UPK3A: variants seen among roughly 807,000 people sequenced by gnomAD.
UPK3A encodes the protein uroplakin 3A, also known as uroplakin-3a.
Under a neutral mutation model 27.6 loss-of-function variants are expected in UPK3A, and 32 were observed. The ratio of observed to expected loss-of-function variants is 1.16; its 90% CI spans 0.87 to 1.55. The LOEUF (loss-of-function observed/expected upper bound fraction) is 1.55, where lower values mean the gene tolerates loss of function less well. UPK3A is among the 40% of genes most tolerant of loss of function. UPK3A has a pLI of 0.00. For synonymous variants in UPK3A, 171 were observed against 163.9 expected, an observed-to-expected ratio of 1.04 and a Z score of -0.33; for missense variants, 370 against 367.9, an observed-to-expected ratio of 1.01 and a Z score of -0.05.
At position 45,292,272 on chromosome 22, in the gene UPK3A, T is replaced by C. The variant is rs888614411; in HGVS notation, c.572-909T>C. On this transcript the variant is annotated intron_variant, in intron 4 of 5. Coordinates refer to ENST00000216211, the MANE Select transcript of UPK3A (RefSeq NM_006953.4). ...TTGGGGGAGGACCGTGGGGCCCATC[T>C]GGGGGACAGCATGCACCTCAGGACC... Among the ~76,000 whole-genome samples, 4 of 152,142 alleles carry C rather than the reference T, an allele frequency of 2.6e-5. No homozygotes were observed. In the East Asian group the frequency reaches 7.7e-4, roughly 29 times the overall value.
intron 5 of UPK3A, 43 bp from the exon 6 acceptor site, chr22:45,295,517 G>T (rs556351642): frequency 2.3e-5 from 37 of 1,613,376 alleles, no homozygotes; most frequent in Middle Eastern, 1.7e-4. Context: ...ATTTGGGTTT[G>T]CTCTGGTCCC....
intron 3 of UPK3A, 94 bp downstream of exon 3, chr22:45,287,545 G>A: frequency 6.7e-7 from 1 of 1,482,110 alleles, no homozygotes; most frequent in Non-Finnish European, 9.1e-7. Flanking sequence ...CACACTTCTT[G>A]AGAACTTATA....
At chr22:45,290,217 C>T (rs2084150731) in intron 4 of UPK3A, among the ~76,000 whole-genome samples, 1 of 152,144 alleles carries the variant, frequency 6.6e-6, no homozygotes, top group African/African-American at 2.4e-5. Context: ...ACGCCAGGGT[C>T]TTTGATGGTA....
At chr22:45,285,734 G>A (rs1200714603) in intron 1 of UPK3A, among the ~76,000 whole-genome samples, 2 of 152,196 alleles carry the variant, frequency 1.3e-5, no homozygotes, top group Non-Finnish European at 2.9e-5. Flanking sequence ...GTCTGCAGCA[G>A]GGAGAGAAGG....
chr22:45,285,834 G>A, intron 1 of UPK3A, 107 bp from the exon 2 acceptor site: 1 of 1,504,566 alleles, frequency 6.6e-7, no homozygotes. Context: ...CCCAGGGGGA[G>A]GGTGAAGCCC....
chr22:45,288,904 G>A (rs1466285024), intron 3 of UPK3A, among the ~76,000 whole-genome samples, 157 bp from the exon 4 acceptor site: 1 of 151,968 alleles, frequency 6.6e-6, no homozygotes, highest in Non-Finnish European at 1.5e-5. Context: ...CTGTCCTGTT[G>A]CCCAGAGCCC....
At chr22:45,294,605 G>C (rs1468971222) in intron 5 of UPK3A, among the ~76,000 whole-genome samples, 2 of 152,112 alleles carry the variant, frequency 1.3e-5, no homozygotes, top group Non-Finnish European at 2.9e-5. Context: ...CAGCCTCCCA[G>C]AAACTCTGCC....
At chr22:45,290,409 C>T (rs2084152153) in intron 4 of UPK3A, among the ~76,000 whole-genome samples, 1 of 152,130 alleles carries the variant, frequency 6.6e-6, no homozygotes, top group Non-Finnish European at 1.5e-5. Context: ...AAGTCACACG[C>T]GAGTGGGTGG....
chr22:45,289,194 G>A (rs568545237), intron 4 of UPK3A, 51 bp downstream of exon 4: 74 of 1,591,830 alleles, frequency 4.6e-5, no homozygotes, highest in Middle Eastern at 1.7e-4. Flanking sequence ...CCGAGAAGGC[G>A]GGGCCAGCCA....
intron 4 of UPK3A, among the ~76,000 whole-genome samples, chr22:45,291,577 A>T (rs1038071458): frequency 4.6e-4 from 60 of 129,668 alleles, no homozygotes; most frequent in Non-Finnish European, 8.2e-4. Context: ...CGTGTGTAAG[A>T]GTTTGAGTTG....
At chr22:45,294,268 G>A (rs1457471316) in intron 5 of UPK3A, among the ~76,000 whole-genome samples, 1 of 152,138 alleles carries the variant, frequency 6.6e-6, no homozygotes, top group Non-Finnish European at 1.5e-5. Flanking sequence ...ATAGTTAAGT[G>A]GATCCATGGA....
At chr22:45,292,116 C>A (rs180819132) in intron 4 of UPK3A, among the ~76,000 whole-genome samples, 5 of 152,340 alleles carry the variant, frequency 3.3e-5, no homozygotes, top group Admixed American at 3.3e-4. Context: ...CCCGCCTCTG[C>A]CCCTCACTGC....
Position 45,295,761 on chromosome 22 carries a change from C to T in UPK3A, c.*42C>T, listed in dbSNP as rs746035232. ...GGGCAGCAGCATCCTCCTCTCTGGCCTTGCCCCAGGCCCTGCAGCGGTGGT... is the reference window on the plus strand; with the variant it reads ...GGGCAGCAGCATCCTCCTCTCTGGCTTTGCCCCAGGCCCTGCAGCGGTGGT... On this transcript the variant is annotated 3_prime_UTR_variant, in exon 6 of 6. Transcript: ENST00000216211. 2.5e-6 allele frequency: 4 copies of T among 1,611,410 alleles called. No homozygotes were observed. Among genetic ancestry groups the T allele is most frequent in the East Asian group, 4.5e-5 (2 of 44,840 alleles).
rs762685274 is a variant in UPK3A at position 45,285,074 on chromosome 22, T to A, written c.52+9T>A. On this transcript the variant is annotated intron_variant, in intron 1 of 5. Transcript: ENST00000216211. ...CCTGCGGTTCGGCTCGGGTAGGCGG[T>A]GAAGGGCAGGAGGGGGCTGAGCCCA... is the stretch of plus-strand genomic sequence containing the variant. 5.9e-6 allele frequency: 9 copies of A among 1,535,080 alleles called. No individual in the cohort carries two copies. The South Asian group carries it at 1.1e-4, about 18-fold the overall frequency.
At chr22:45,291,846 T>C (rs964071575) in intron 4 of UPK3A, among the ~76,000 whole-genome samples, 10 of 146,088 alleles carry the variant, frequency 6.8e-5, no homozygotes, top group African/African-American at 2.3e-4. Flanking sequence ...AGTGTGACTG[T>C]GTATGTGAGT....
At chr22:45,287,072 A>G (rs2147793165) in intron 2 of UPK3A, 100 bp from the exon 3 acceptor site, 1 of 1,549,292 alleles carries the variant, frequency 6.5e-7, no homozygotes, top group Non-Finnish European at 8.8e-7. Context: ...CCCAGCACAG[A>G]GCTGGGGCAG....
intron 1 of UPK3A, 45 bp from the exon 2 acceptor site, chr22:45,285,896 A>G (rs1321166862): frequency 6.2e-7 from 1 of 1,612,356 alleles, no homozygotes; most frequent in Non-Finnish European, 8.5e-7. Context: ...GTGGGTGTGG[A>G]CAGTTCTGCC....
intron 4 of UPK3A, among the ~76,000 whole-genome samples, chr22:45,292,752 C>T (rs2084170003): frequency 6.6e-6 from 1 of 151,548 alleles, no homozygotes; most frequent in African/African-American, 2.4e-5. Flanking sequence ...AAAAAAAGTA[C>T]AACAAATTAG....
Position 45,290,630 on chromosome 22 carries a change from G to A in UPK3A, c.571+1487G>A, listed in dbSNP as rs376640131. 1.1e-4 allele frequency among the ~76,000 whole-genome samples: 17 copies of A among 152,124 alleles called. No individual in the cohort carries two copies. The South Asian group carries it at 2.5e-3, about 22-fold the overall frequency. The stretch of plus-strand genomic sequence containing the variant: ...GTGTGGTGTGGATGAGTGTGACAGT[G>A]TGTGGTGTATATCAGGGGTCCCCAA... On this transcript the variant is annotated intron_variant, in intron 4 of 5. Transcript: ENST00000216211.
Sources: allele counts gnomAD v4.1 joint callset (sites outside exome capture counted in the v4.1 genomes callset), GRCh38; gene constraint gnomAD v4.1.1; transcripts MANE v1.5; gene names NCBI Gene and HGNC (gene_info 2026-07-23, HGNC 2026-07-21).